Variants in MYLK3 observed in about 807,000 individuals in gnomAD.
MYLK3 encodes the protein MLC kinase.
MYLK3 carries 55 observed loss-of-function variants against 76.3 expected under a neutral mutation model. That is an observed-to-expected ratio of 0.72 (90% CI 0.58 to 0.90). MYLK3 has a LOEUF of 0.90. Ranked by LOEUF, MYLK3 falls within the 40% of genes least tolerant of loss-of-function variation. The pLI is 0.00. For missense variants in MYLK3, 973 were observed against 1,053.6 expected (o/e 0.92, Z 1.06); for synonymous variants, 416 against 425.4 (o/e 0.98, Z 0.27).
At chr16:46,740,516 T>A (rs375055786) in intron 1 of MYLK3, among the ~76,000 whole-genome samples, 5 of 128,948 alleles carry the variant, frequency 3.9e-5, no homozygotes, top group African/African-American at 1.4e-4. Context: ...AATATATACA[T>A]AAATATATAT....
intron 1 of MYLK3, 98 bp from the exon 2 acceptor site, chr16:46,740,245 G>A (rs1230582918): frequency 1.1e-6 from 1 of 894,092 alleles, no homozygotes; most frequent in East Asian, 2.4e-5. Context: ...TAAGATAAGG[G>A]CATTTAGATT....
chr16:46,711,450 G>C (rs559999886), intron 10 of MYLK3: 1 of 237,288 alleles, frequency 4.2e-6, no homozygotes, highest in Non-Finnish European at 8.6e-6. Flanking sequence ...TGCCACAAAG[G>C]GTATCCTGCC....
At chr16:46,744,045 A>G (rs1044441838) in intron 1 of MYLK3, among the ~76,000 whole-genome samples, 1 of 152,044 alleles carries the variant, frequency 6.6e-6, no homozygotes, top group African/African-American at 2.4e-5. Flanking sequence ...ATTTTATTTT[A>G]TTTTTGTGAG....
intron 1 of MYLK3, among the ~76,000 whole-genome samples, chr16:46,743,020 C>T (rs1370567512): frequency 6.6e-6 from 1 of 152,162 alleles, no homozygotes; most frequent in South Asian, 2.1e-4. Flanking sequence ...GGTAGGCAGG[C>T]GCATGCGTAC....
At chr16:46,707,850 G>A in intron 12 of MYLK3, 87 bp from the exon 13 acceptor site, 1 of 921,204 alleles carries the variant, frequency 1.1e-6, no homozygotes, top group Non-Finnish European at 1.7e-6. Flanking sequence ...GGATTTAAGT[G>A]AGTCCAGCCA....
chr16:46,738,669 G>A (rs1966885959), intron 2 of MYLK3, among the ~76,000 whole-genome samples: 1 of 152,258 alleles, frequency 6.6e-6, no homozygotes, highest in African/African-American at 2.4e-5. Context: ...TCTAAGAAGG[G>A]AGCATGTGTG....
chr16:46,719,913 C>T (rs1051908900), intron 9 of MYLK3, among the ~76,000 whole-genome samples: 5 of 152,176 alleles, frequency 3.3e-5, no homozygotes, highest in African/African-American at 9.7e-5. Flanking sequence ...TGTGGTGGCT[C>T]ACGCCTGTAA....
At chr16:46,721,242 T>G in intron 8 of MYLK3, 49 bp from the exon 9 acceptor site, 1 of 1,546,362 alleles carries the variant, frequency 6.5e-7, no homozygotes, top group Non-Finnish European at 8.9e-7. Context: ...TGAGGAGGTC[T>G]GCAGCTGCCA....
chr16:46,737,805 T>G lies in MYLK3; in HGVS notation c.907A>C (p.Arg303=). 6.2e-7 allele frequency: 1 copy of G among 1,612,820 alleles called. No homozygotes were observed. Residue 303 remains arginine (R), a synonymous_variant, in exon 3 of 13, where the codon AGG becomes CGG. Transcript: ENST00000394809. ...TGAGGGCCAGGCCCTGGAGTCAGCC[T>G]CGTGCCTTCCTCTAAGGGCTCAGGG... ...PDPEPLEEGT[R]LTPGPGPQCP...
intron 9 of MYLK3, among the ~76,000 whole-genome samples, chr16:46,715,443 C>G (rs1416999934): frequency 6.6e-6 from 1 of 152,200 alleles, no homozygotes. Flanking sequence ...CATCAAAACG[C>G]TCTCTTCATA....
chr16:46,732,543 G>C lies in MYLK3; in HGVS notation c.1127C>G (p.Pro376Arg). ...AAAQPGKQGP[P>R]GTGRCLQAPG... ...GGCTTGGAGGCAGCGCCCGGTCCCA[G>C]GTGGGCCCTGCTTGCCTGGCTGGGC... The change falls in exon 4 of 13, where the codon CCT (proline) becomes CGT (arginine). Residue 376 changes from proline (P) to arginine (R), a missense_variant. By Grantham distance (103) the Pro-to-Arg change is moderately radical. Coordinates refer to ENST00000394809, the MANE Select transcript of MYLK3 (RefSeq NM_182493.3). 6.2e-7 allele frequency: 1 copy of C among 1,602,022 alleles called. No individual in the cohort carries two copies. The highest frequency in any genetic ancestry group is 8.5e-7 in the Non-Finnish European group (1 of 1,179,732).
intron 10 of MYLK3, chr16:46,711,826 T>C (rs933402530): frequency 4.4e-6 from 1 of 226,388 alleles, no homozygotes. Flanking sequence ...ACCCCCTAGA[T>C]GAAATAACTC....
intron 8 of MYLK3, among the ~76,000 whole-genome samples, chr16:46,724,401 T>C (rs1966829755): frequency 6.6e-6 from 1 of 152,204 alleles, no homozygotes; most frequent in Non-Finnish European, 1.5e-5. Flanking sequence ...ATTACTATGT[T>C]TTCTTCTAAC....
chr16:46,726,946 T>C (rs1473043284), intron 8 of MYLK3: 3 of 253,888 alleles, frequency 1.2e-5, no homozygotes, highest in Admixed American at 5.0e-5. Context: ...AAAGCCTATG[T>C]TCCCTTTTGA....
At chr16:46,751,498 G>C (rs1967124494), upstream of MYLK3, among the ~76,000 whole-genome samples, 1 of 152,356 alleles carries the variant, frequency 6.6e-6, no homozygotes, top group African/African-American at 2.4e-5. Context: ...TGCTAAGAAG[G>C]TGGCTGCGGC....
In MYLK3 at chr16:46,704,528, C is replaced by G. The variant is rs1327169631; in HGVS notation, c.*3176G>C. The G allele has an allele frequency of 6.6e-6, 1 of 152,112 alleles. No homozygotes were observed. Among genetic ancestry groups the G allele is most frequent in the African/African-American group, 2.4e-5 (1 of 41,418 alleles). The allele number at this position is 152,112 out of a possible 1,614,324, so 9.4% of individuals were successfully genotyped here. A position where few individuals can be genotyped will look rare whatever the true frequency, so the allele number is the denominator to read the frequency against. On this transcript the variant is annotated 3_prime_UTR_variant, in exon 13 of 13. Coordinates refer to ENST00000394809, the MANE Select transcript of MYLK3 (RefSeq NM_182493.3). ...TGGTGTGATCTTGGCTCACTGCAAC[C>G]TCCACCCCCTGGGTTCAAGTGATTC...
rs1032591620 is a variant in MYLK3, at chr16:46,732,567, G to T, written c.1103C>A (p.Ala368Asp). The T allele has an allele frequency of 1.1e-5, 17 of 1,599,638 alleles. No homozygotes were observed. In the Admixed American group the frequency reaches 1.7e-4, roughly 16 times the overall value. ...PTLTTEAPAA[A>D]QPGKQGPPGT... ...AGGTGGGCCCTGCTTGCCTGGCTGG[G>T]CAGCTGCTGGAGCCTCTGTGGTGAG... The change falls in exon 4 of 13, where the codon GCC (alanine) becomes GAC (aspartate). Residue 368 changes from alanine to aspartate, a missense_variant. This residue lies in a region of MYLK3 where 641 missense variants were observed against 637.0 expected (regional missense o/e 1.01). Coordinates refer to ENST00000394809, the MANE Select transcript of MYLK3 (RefSeq NM_182493.3).
chr16:46,718,408 C>T lies in MYLK3; in HGVS notation c.1985+2715G>A, dbSNP rs372150045. Among the ~76,000 whole-genome samples the T allele has an allele frequency of 9.2e-5, 14 of 152,262 alleles. No homozygotes were observed. The East Asian group carries it at 2.1e-3, about 23-fold the overall frequency. ...GTGGGATGATGTGAAATTCCTCCTG[C>T]GGTTACACTAGCAGCACATGGGGCA... On this transcript the variant is annotated intron_variant, in intron 9 of 12. Transcript: ENST00000394809.
At chr16:46,729,250 A>T (rs1596759282) in intron 6 of MYLK3, 117 bp from the exon 7 acceptor site, 1 of 792,964 alleles carries the variant, frequency 1.3e-6, no homozygotes, top group East Asian at 2.5e-5. Flanking sequence ...CTATTCTCAC[A>T]CCAGGTCTCC....
Sources: allele counts gnomAD v4.1 joint callset (sites outside exome capture counted in the v4.1 genomes callset), GRCh38; gene constraint gnomAD v4.1.1; regional missense constraint gnomAD v4.1.1; transcripts MANE v1.5; gene names NCBI Gene and HGNC (gene_info 2026-07-23, HGNC 2026-07-21).